Variants in LINGO2 observed in about 807,000 individuals in gnomAD.
LINGO2 encodes leucine rich repeat and Ig domain containing 2, also known as leucine-rich repeat and immunoglobulin-like domain-containing nogo receptor-interacting protein 2.
Under a neutral mutation model 30.6 loss-of-function variants are expected in LINGO2, and 14 were observed. The ratio of observed to expected loss-of-function variants is 0.46; its 90% confidence interval spans 0.30 to 0.72. The LOEUF is 0.72. LINGO2 is among the 30% of genes least tolerant of loss of function. LINGO2 has a pLI of 0.07. For missense variants in LINGO2, 729 were observed against 751.7 expected (o/e 0.97, Z 0.35); for synonymous variants, 317 against 288.5 (o/e 1.10, Z -1.00).
At chr9:28,388,801 T>C (rs1036017142) in intron 2 of LINGO2, among the ~76,000 whole-genome samples, 11 of 152,316 alleles carry the variant, frequency 7.2e-5, no homozygotes, top group African/African-American at 1.9e-4. Context: ...CTAAATCAGA[T>C]ATAATTTGCA....
chr9:28,174,921 T>TGTGTGTGTGTGAGAGA (rs962695032), intron 4 of LINGO2, among the ~76,000 whole-genome samples: 8 of 133,418 alleles, frequency 6.0e-5, no homozygotes, highest in African/African-American at 2.3e-4. Flanking sequence ...TGTGTGTGTG[T>TGTGTGTGTGTGAGAGA]GAGAGAGAGA....
intron 1 of LINGO2, among the ~76,000 whole-genome samples, chr9:28,589,180 C>T (rs1228336018): frequency 1.3e-5 from 2 of 151,930 alleles, no homozygotes. Flanking sequence ...TATGACAATC[C>T]CACAGCCAAT....
chr9:29,129,477 T>A, the LINGO2 span, among the ~76,000 whole-genome samples: 1,702 of 152,220 alleles, frequency 0.011, 28 homozygotes, highest in African/African-American at 0.039. Context: ...GAAATATGTT[T>A]CCAAAAATTG....
chr9:28,979,800 G>A, the LINGO2 span, among the ~76,000 whole-genome samples: 1 of 152,174 alleles, frequency 6.6e-6, no homozygotes, highest in Non-Finnish European at 1.5e-5. Context: ...AAATGTAATA[G>A]TCCCATTCTA....
the LINGO2 span, among the ~76,000 whole-genome samples, chr9:28,722,789 C>T: frequency 1.3e-4 from 20 of 152,214 alleles, no homozygotes; most frequent in South Asian, 4.2e-4. Context: ...CCCAGTAGTA[C>T]GGGGCCCAAT....
chr9:28,518,335 T>C (rs1189744936), intron 1 of LINGO2, among the ~76,000 whole-genome samples: 1 of 152,226 alleles, frequency 6.6e-6, no homozygotes, highest in Non-Finnish European at 1.5e-5. Flanking sequence ...ATCTCATATC[T>C]AGTTATAATA....
intron 2 of LINGO2, among the ~76,000 whole-genome samples, chr9:28,405,698 G>T (rs1217393292): frequency 6.6e-6 from 1 of 152,116 alleles, no homozygotes; most frequent in Non-Finnish European, 1.5e-5. Flanking sequence ...TTTTAGAAGT[G>T]GTTGTTTTTA....
Position 28,669,823 on chromosome 9 carries a change from T to C in LINGO2, c.-365+377A>G, listed in dbSNP as rs573590295. On this transcript the variant is annotated intron_variant, in intron 1 of 5. Transcript: ENST00000379992. ...ACTTTTATTGTATGATTGTATGTAT[T>C]AATAAAGAAACATCTTCAGTCACCG... Among the ~76,000 whole-genome samples the C allele has an allele frequency of 5.5e-4, 84 of 152,234 alleles. 1 individual carries two copies. Among genetic ancestry groups the C allele is most frequent in the Non-Finnish European group, 1.0e-3 (71 of 67,968 alleles).
At chr9:28,685,103 G>C in the LINGO2 span, among the ~76,000 whole-genome samples, 1 of 152,092 alleles carries the variant, frequency 6.6e-6, no homozygotes, top group African/African-American at 2.4e-5. Flanking sequence ...TCCTGTATTA[G>C]TTTGCTTAGG....
chr9:28,999,164 T>A, the LINGO2 span, among the ~76,000 whole-genome samples: 1 of 152,102 alleles, frequency 6.6e-6, no homozygotes, highest in Non-Finnish European at 1.5e-5. Flanking sequence ...TACAGTGTTG[T>A]CAGTGTACAC....
At chr9:28,172,609 C>T (rs968182596) in intron 4 of LINGO2, among the ~76,000 whole-genome samples, 24 of 152,136 alleles carry the variant, frequency 1.6e-4, no homozygotes, top group African/African-American at 5.8e-4. Context: ...TATAAATTTA[C>T]ACATGAAGAA....
At position 28,235,706 on chromosome 9, in the gene LINGO2, G is replaced by T. The variant is rs1475220688; in HGVS notation, c.-87+59502C>A. On this transcript the variant is annotated intron_variant, in intron 4 of 5. Transcript: ENST00000379992. ...AAATGCCACTGACATGCTGAAGAAT[G>T]CATCAAAGTTTCTTAATAGCAGAAA... 2.6e-5 allele frequency among the ~76,000 whole-genome samples: 4 copies of T among 152,144 alleles called. No homozygotes were observed. In the East Asian group the frequency reaches 7.7e-4, roughly 29 times the overall value.
intron 4 of LINGO2, among the ~76,000 whole-genome samples, chr9:28,169,868 C>T (rs906103255): frequency 5.9e-5 from 9 of 152,188 alleles, no homozygotes; most frequent in Non-Finnish European, 1.0e-4. Flanking sequence ...TCCCAAATAT[C>T]TGCAATCTAG....
At chr9:28,154,843 T>C (rs1828090679) in intron 4 of LINGO2, among the ~76,000 whole-genome samples, 1 of 152,202 alleles carries the variant, frequency 6.6e-6, no homozygotes, top group South Asian at 2.1e-4. Flanking sequence ...GAAGACATCT[T>C]TTAAAAACTC....
intron 1 of LINGO2, among the ~76,000 whole-genome samples, chr9:28,658,392 G>A (rs983833154): frequency 6.6e-6 from 1 of 151,844 alleles, no homozygotes; most frequent in African/African-American, 2.4e-5. Context: ...AATTCTGTCA[G>A]TGTTTGCTTC....
the LINGO2 span, among the ~76,000 whole-genome samples, chr9:28,822,741 G>A: frequency 1.3e-5 from 2 of 152,012 alleles, no homozygotes; most frequent in Non-Finnish European, 2.9e-5. Flanking sequence ...GGTTGCAGAC[G>A]GCCTTTCTTA....
At chr9:28,332,098 A>C (rs1040361199) in intron 3 of LINGO2, among the ~76,000 whole-genome samples, 2 of 152,192 alleles carry the variant, frequency 1.3e-5, no homozygotes, top group Admixed American at 1.3e-4. Context: ...GTTATGTGCC[A>C]TTTAAGTAAA....
At chr9:28,295,042 T>C (rs1311733460) in intron 4 of LINGO2, among the ~76,000 whole-genome samples, 166 bp downstream of exon 6, 2 of 152,154 alleles carry the variant, frequency 1.3e-5, no homozygotes, top group East Asian at 3.9e-4. Context: ...GACTCAATTA[T>C]TACTATATGC....
chr9:29,206,232 G>A, the LINGO2 span, among the ~76,000 whole-genome samples: 2 of 152,166 alleles, frequency 1.3e-5, no homozygotes, highest in African/African-American at 4.8e-5. Flanking sequence ...AGATTCATGG[G>A]AGCATTTCTA....
Sources: allele counts gnomAD v4.1 joint callset (sites outside exome capture counted in the v4.1 genomes callset), GRCh38; gene constraint gnomAD v4.1.1; transcripts MANE v1.5; gene names NCBI Gene and HGNC (gene_info 2026-07-23, HGNC 2026-07-21).